Variants in DGAT1 observed in about 807,000 individuals in gnomAD.
DGAT1 encodes ACAT related gene product 1.
A neutral mutation model predicts 72.6 loss-of-function variants in DGAT1; 60 were observed. The ratio of observed to expected loss-of-function variants is 0.83; its 90% CI spans 0.67 to 1.02. DGAT1 has a LOEUF of 1.02. Ranked by LOEUF, DGAT1 falls within the 50% of genes least tolerant of loss-of-function variation. The probability of loss-of-function intolerance (pLI) is 0.00; values close to 1 mark genes in which losing one functional copy is unlikely to be tolerated. For synonymous variants in DGAT1, 290 were observed against 267.5 expected, an observed-to-expected ratio of 1.08 and a Z score of -0.82; for missense variants, 592 against 670.0, an observed-to-expected ratio of 0.88 and a Z score of 1.29.
In DGAT1 at chr8:144,321,263, G is replaced by A. The variant is rs1354533908; in HGVS notation, c.288+58C>T. 20 of 1,538,964 alleles carry A rather than the reference G, an allele frequency of 1.3e-5. No homozygotes were observed. The East Asian group carries it at 4.3e-4, about 33-fold the overall frequency. ...AGAGCCTGTTCTCAGGCAAAGGCCAGCCTGGGACAGAGCCCCACCTGGACC... is the reference window on the plus strand; with the variant it reads ...AGAGCCTGTTCTCAGGCAAAGGCCAACCTGGGACAGAGCCCCACCTGGACC... On this transcript the variant is annotated intron_variant, in intron 2 of 16. Transcript: ENST00000528718.
intron 5 of DGAT1, 42 bp downstream of exon 5, chr8:144,318,657 A>T (rs782132854): frequency 6.2e-7 from 1 of 1,607,066 alleles, no homozygotes. Context: ...AGGAGCGCAC[A>T]CAGCAGGGTG....
Position 144,315,805 on chromosome 8 carries a change from AAG to A in DGAT1, c.*747_*748del, listed in dbSNP as rs1817187624. On this transcript the variant is annotated 3_prime_UTR_variant, in exon 17 of 17. Transcript: ENST00000528718. ...GGCTGCCCAGGTTCCAAGTGAAGGA[AAG>A]AGGCTGCCAAACCGAGCCCTGCCCC... 1.0e-6 allele frequency: 1 copy of A among 977,630 alleles called. No homozygotes were observed. The highest frequency in any genetic ancestry group is 4.7e-5 in the South Asian group (1 of 21,112). The allele number at this position is 977,630 out of a possible 1,614,324, so 60.6% of individuals were successfully genotyped here. A position where few individuals can be genotyped will look rare whatever the true frequency, so the allele number is the denominator to read the frequency against.
rs1817600552 is a variant in DGAT1 at position 144,326,563 on chromosome 8, G to A, written c.74C>T (p.Ala25Val). The A allele has an allele frequency of 2.4e-6, 3 of 1,254,660 alleles. No individual in the cohort carries two copies. The highest frequency in any genetic ancestry group is 3.0e-6 in the Non-Finnish European group (3 of 1,000,990). 77.7% of individuals were successfully genotyped at this position (1,254,660 alleles called of 1,614,324 possible). Residue 25 changes from alanine to valine, a missense_variant, in exon 1 of 17, where the codon GCG becomes GTG. Ala to Val is a moderately conservative substitution (Grantham distance 64). Coordinates refer to ENST00000528718, the MANE Select transcript of DGAT1 (RefSeq NM_012079.6). ...RPSSHGGGGPAAAEEEVRDAA... is the reference protein window; with the variant it reads ...RPSSHGGGGPVAAEEEVRDAA... ...GTCCCGCACCTCCTCTTCCGCCGCC[G>A]CAGGCCCGCCGCCGCCGTGGCTCGA...
In DGAT1 at chr8:144,318,149, T is replaced by C. The variant is rs782740287; in HGVS notation, c.697A>G (p.Ser233Gly). The C allele has an allele frequency of 6.3e-7, 1 of 1,581,438 alleles. No individual in the cohort carries two copies. The highest frequency in any genetic ancestry group is 2.3e-5 in the East Asian group (1 of 44,432). The part of the protein sequence containing the change: ...AKAASAGKKA[S>G]SAAAPHTVSY... ...ACGGTGTGCGGGGCAGCAGCACTGCTGGCCTTCTTCCCTGCAGAGGCTACG... is the reference window on the plus strand; with the variant it reads ...ACGGTGTGCGGGGCAGCAGCACTGCCGGCCTTCTTCCCTGCAGAGGCTACG... The change falls in exon 8 of 17, where the codon AGC (serine) becomes GGC (glycine). Residue 233 changes from serine (S) to glycine (G), a missense_variant. By Grantham distance (56) the Ser-to-Gly change is moderately conservative. Transcript: ENST00000528718.
chr8:144,321,384 T>A lies in DGAT1; in HGVS notation c.225A>T (p.Leu75Phe), dbSNP rs940805896. 1.2e-6 allele frequency: 2 copies of A among 1,613,888 alleles called. No homozygotes were observed. Among genetic ancestry groups the A allele is most frequent in the East Asian group, 2.2e-5 (1 of 44,874 alleles). Residue 75 changes from leucine (L) to phenylalanine (F), a missense_variant, in exon 2 of 17, where the codon TTA becomes TTT. Physicochemically the swap from Leu to Phe is conservative, Grantham distance 22. Coordinates refer to ENST00000528718, the MANE Select transcript of DGAT1 (RefSeq NM_012079.6). ...TGCTGAAGCCACTGTCAGAGCTGAA[T>A]AAAGAATCCTGCAGGCGATGGCACC... Reference protein sequence around the residue: ...ELRCHRLQDSLFSSDSGFSNY... With the variant: ...ELRCHRLQDSFFSSDSGFSNY...
At position 144,317,028 on chromosome 8, in the gene DGAT1, G is replaced by C. The variant is rs782136994; in HGVS notation, c.1242C>G (p.Phe414Leu). 2 of 1,612,352 alleles carry C rather than the reference G, an allele frequency of 1.2e-6. No homozygotes were observed. The highest frequency in any genetic ancestry group is 1.7e-6 in the Non-Finnish European group (2 of 1,179,732). ...TGCCCCCCAGAGCACTGACCTCGTG[G>C]AAGAAGGCCGAGGCCAGGAACACCC... is the stretch of plus-strand genomic sequence containing the variant. ...RTGVFLASAF[F>L]HEYLVSVPLR... The change falls in exon 15 of 17, where the codon TTC becomes TTG. Residue 414 changes from phenylalanine to leucine, a missense_variant. Physicochemically the swap from Phe to Leu is conservative, Grantham distance 22 (BLOSUM62 0). Coordinates refer to ENST00000528718, the MANE Select transcript of DGAT1 (RefSeq NM_012079.6).
At chr8:144,326,386 A>T (rs978721265) in intron 1 of DGAT1, 51 bp downstream of exon 1, 3 of 1,360,592 alleles carry the variant, frequency 2.2e-6, no homozygotes, top group Admixed American at 3.3e-5. Flanking sequence ...CCAACCCCGG[A>T]AAGTCGCGGG....
chr8:144,316,549 G>A lies in DGAT1; in HGVS notation c.*5C>T. On this transcript the variant is annotated 3_prime_UTR_variant, in exon 17 of 17. Transcript: ENST00000528718. Reference sequence around the variant, plus strand: ...GCAGTGAGAAGCCAGGCCCTCAGGTGCAGCTCAGGCCTCTGCCGCTGGGGC... The same window carrying A: ...GCAGTGAGAAGCCAGGCCCTCAGGTACAGCTCAGGCCTCTGCCGCTGGGGC... The A allele has an allele frequency of 1.4e-5, 22 of 1,583,908 alleles. No homozygotes were observed. Among genetic ancestry groups the A allele is most frequent in the East Asian group, 6.9e-5 (3 of 43,586 alleles).
rs1554848853 is a variant in DGAT1 at position 144,326,662 on chromosome 8, C to T, written c.-26G>A. The T allele has an allele frequency of 1.3e-5, 15 of 1,177,898 alleles. No individual in the cohort carries two copies. The highest frequency in any genetic ancestry group is 1.6e-5 in the African/African-American group (1 of 61,570). The allele number at this position is 1,177,898 out of a possible 1,614,324, so 73.0% of individuals were successfully genotyped here. ...GGCCTCAGCCCGCACCCGGCCGCAG[C>T]CAAGCGTGGGCCCGCCGGGTTCGTA... On this transcript the variant is annotated 5_prime_UTR_variant, in exon 1 of 17. Coordinates refer to ENST00000528718, the MANE Select transcript of DGAT1 (RefSeq NM_012079.6).
At chr8:144,320,547 G>C (rs900645321) in intron 2 of DGAT1, among the ~76,000 whole-genome samples, 1 of 152,166 alleles carries the variant, frequency 6.6e-6, no homozygotes, top group Admixed American at 6.5e-5. Context: ...AAGGTCAAAG[G>C]CCTCGAGCCA....
At chr8:144,322,536 G>A (rs1817487301) in intron 1 of DGAT1, among the ~76,000 whole-genome samples, 1 of 152,242 alleles carries the variant, frequency 6.6e-6, no homozygotes, top group Admixed American at 6.5e-5. Context: ...TCGGCAGTCA[G>A]ACGGCCCTGC....
rs1817190033 is a variant in DGAT1, at chr8:144,315,842, A to G, written c.*712T>C. The G allele has an allele frequency of 1.0e-6, 1 of 984,642 alleles. No homozygotes were observed. The highest frequency in any genetic ancestry group is 5.2e-4 in the Middle Eastern group (1 of 1,914). The allele number at this position is 984,642 out of a possible 1,614,324, so 61.0% of individuals were successfully genotyped here. ...AACCGAGCCCTGCCCCAAGGCGAAT[A>G]GCCATGGACATAGCCATTGTGTACC... On this transcript the variant is annotated 3_prime_UTR_variant, in exon 17 of 17. Transcript: ENST00000528718.
Position 144,326,792 on chromosome 8 carries a change from C to A in DGAT1, c.-156G>T. ...GACCGCCTCACCAGCGCGTTCAACCCGCCCGCGTCGGGCCCGTCGGCCTCA... is the reference window on the plus strand; with the variant it reads ...GACCGCCTCACCAGCGCGTTCAACCAGCCCGCGTCGGGCCCGTCGGCCTCA... On this transcript the variant is annotated 5_prime_UTR_variant, in exon 1 of 17. Coordinates refer to ENST00000528718, the MANE Select transcript of DGAT1 (RefSeq NM_012079.6). The A allele has an allele frequency of 3.7e-6, 2 of 545,862 alleles. No individual in the cohort carries two copies. The highest frequency in any genetic ancestry group is 8.3e-5 in the South Asian group (1 of 12,038). The allele number at this position is 545,862 out of a possible 1,614,324, so 33.8% of individuals were successfully genotyped here.
chr8:144,322,017 T>C (rs1413349734), intron 1 of DGAT1, among the ~76,000 whole-genome samples: 5 of 152,206 alleles, frequency 3.3e-5, no homozygotes, highest in Non-Finnish European at 5.9e-5. Flanking sequence ...CTCCACTTGT[T>C]TGTGATGTGT....
intron 2 of DGAT1, 140 bp downstream of exon 2, chr8:144,321,181 C>T: frequency 3.9e-6 from 3 of 773,114 alleles, no homozygotes; most frequent in Non-Finnish European, 4.4e-6. Context: ...CATGGAGGTG[C>T]AGCCTGCTCC....
At chr8:144,322,238 A>G (rs1554848244) in intron 1 of DGAT1, among the ~76,000 whole-genome samples, 1 of 152,174 alleles carries the variant, frequency 6.6e-6, no homozygotes, top group East Asian at 1.9e-4. Flanking sequence ...CAAGGACAGC[A>G]AGAGCTTGGC....
rs1554847227 is a variant in DGAT1, at chr8:144,317,174, AC to A, written c.1160+12del. On this transcript the variant is annotated intron_variant, in intron 14 of 16. Transcript: ENST00000528718. Reference sequence around the variant, plus strand: ...GCCATGTTCCACATCACACACACACACACCCCACCTACCTGATGCACCACTT... The same window carrying A: ...GCCATGTTCCACATCACACACACACAACCCCACCTACCTGATGCACCACTT... The A allele has an allele frequency of 1.2e-6, 2 of 1,608,038 alleles. No individual in the cohort carries two copies. Among genetic ancestry groups the A allele is most frequent in the South Asian group, 2.2e-5 (2 of 91,006 alleles).
intron 1 of DGAT1, among the ~76,000 whole-genome samples, chr8:144,325,994 G>A (rs1348416590): frequency 6.6e-6 from 1 of 152,008 alleles, no homozygotes; most frequent in African/African-American, 2.4e-5. Context: ...CCCCCTCCCT[G>A]GCAGGCCAGC....
chr8:144,316,598 C>T lies in DGAT1; in HGVS notation c.1423G>A (p.Asp475Asn). ...GCCTCATAGTTGAGCACGTAGTAGT[C>T]GTGGACGTACATGAGGACGGCTATT... Reference protein sequence around the residue: ...QPIAVLMYVHDYYVLNYEAPA... With the variant: ...QPIAVLMYVHNYYVLNYEAPA... Residue 475 changes from aspartate to asparagine, a missense_variant, in exon 17 of 17, where the codon GAC (aspartate) becomes AAC (asparagine). Coordinates refer to ENST00000528718, the MANE Select transcript of DGAT1 (RefSeq NM_012079.6). 1 of 1,605,684 alleles carries T rather than the reference C, an allele frequency of 6.2e-7. No homozygotes were observed. Among genetic ancestry groups the T allele is most frequent in the Non-Finnish European group, 8.5e-7 (1 of 1,176,716 alleles).
Sources: gnomAD v4.1 joint callset for allele counts (sites outside exome capture counted in the v4.1 genomes callset) on GRCh38, gnomAD v4.1.1 for gene constraint, MANE v1.5 for transcripts, NCBI Gene and HGNC (gene_info 2026-07-23, HGNC 2026-07-21) for gene names.